Variants in PLXDC2 observed in about 807,000 individuals in gnomAD.
The protein encoded by PLXDC2 is plexin domain-containing protein 2.
Under a neutral mutation model 68.9 loss-of-function variants are expected in PLXDC2, and 40 were observed. The observed-to-expected ratio is 0.58, with a 90% CI of 0.45 to 0.76. The LOEUF is 0.76. Among genes scored for constraint, PLXDC2 ranks in the 30% least tolerant of loss-of-function variants. PLXDC2 has a pLI of 0.00. For synonymous variants in PLXDC2, 243 were observed against 234.2 expected (o/e 1.04, Z -0.34); for missense variants, 644 against 661.9 (o/e 0.97, Z 0.30).
intron 10 of PLXDC2, among the ~76,000 whole-genome samples, chr10:20,213,959 C>T (rs990114667): frequency 2.0e-5 from 3 of 152,012 alleles, no homozygotes; most frequent in Admixed American, 2.0e-4. Flanking sequence ...TTACTCTGTG[C>T]TGTATTTGGA....
intron 13 of PLXDC2, among the ~76,000 whole-genome samples, chr10:20,257,436 G>A (rs372836361): frequency 5.3e-5 from 8 of 152,092 alleles, no homozygotes; most frequent in Admixed American, 4.6e-4. Flanking sequence ...GTTATTATTG[G>A]TAACCCAACG....
intron 4 of PLXDC2, among the ~76,000 whole-genome samples, chr10:20,127,951 A>T (rs1050523136): frequency 6.6e-6 from 1 of 152,222 alleles, no homozygotes; most frequent in Non-Finnish European, 1.5e-5. Context: ...CCAGGATGGA[A>T]GCCCTGCTAA....
At chr10:20,046,179 A>G (rs754071973) in intron 2 of PLXDC2, among the ~76,000 whole-genome samples, 3 of 152,140 alleles carry the variant, frequency 2.0e-5, no homozygotes, top group Non-Finnish European at 2.9e-5. Context: ...GGTTTTTAGT[A>G]AAAAGTTCAA....
At chr10:19,951,165 G>C (rs1833985041) in intron 1 of PLXDC2, among the ~76,000 whole-genome samples, 1 of 152,086 alleles carries the variant, frequency 6.6e-6, no homozygotes, top group South Asian at 2.1e-4. Flanking sequence ...AAGAGCTTCT[G>C]CATGGCAAAG....
At chr10:20,233,362 C>T (rs1351222510) in intron 12 of PLXDC2, among the ~76,000 whole-genome samples, 2 of 36,510 alleles carry the variant, frequency 5.5e-5, no homozygotes, top group African/African-American at 2.6e-4. Context: ...CCCATCTCTA[C>T]AAAAATTTAA....
intron 1 of PLXDC2, among the ~76,000 whole-genome samples, chr10:19,969,988 A>C (rs1489350644): frequency 2.0e-5 from 3 of 152,196 alleles, no homozygotes; most frequent in African/African-American, 7.2e-5. Context: ...CAGCCACATA[A>C]AGTGGCTACA....
At chr10:19,876,626 G>A (rs549870302) in intron 1 of PLXDC2, among the ~76,000 whole-genome samples, 3,133 of 122,526 alleles carry the variant, frequency 0.026, 72 homozygotes, top group Non-Finnish European at 0.04. Context: ...AAAAAAAAAA[G>A]AGAGAGAGAG....
chr10:20,051,378 C>T (rs1027200285), intron 3 of PLXDC2, among the ~76,000 whole-genome samples: 5 of 140,120 alleles, frequency 3.6e-5, no homozygotes, highest in Non-Finnish European at 3.1e-5. Flanking sequence ...TTACTGCTGA[C>T]CCTAAAATAA....
chr10:20,136,789 T>C (rs1344074816), intron 4 of PLXDC2, among the ~76,000 whole-genome samples: 1 of 152,220 alleles, frequency 6.6e-6, no homozygotes, highest in Non-Finnish European at 1.5e-5. Context: ...TCCTTTTGGG[T>C]CCAAAATATT....
intron 1 of PLXDC2, among the ~76,000 whole-genome samples, chr10:19,888,886 C>G (rs1436124235): frequency 6.6e-6 from 1 of 152,118 alleles, no homozygotes; most frequent in East Asian, 1.9e-4. Context: ...AGAAATGTCA[C>G]AGTTTTGACA....
At chr10:19,855,360 C>T (rs1222594140) in intron 1 of PLXDC2, among the ~76,000 whole-genome samples, 1 of 152,180 alleles carries the variant, frequency 6.6e-6, no homozygotes, top group Non-Finnish European at 1.5e-5. Context: ...CTTTTCCCCC[C>T]TTAGATATTT....
intron 1 of PLXDC2, among the ~76,000 whole-genome samples, chr10:19,930,220 C>G (rs1430148600): frequency 6.6e-6 from 1 of 151,974 alleles, no homozygotes; most frequent in Non-Finnish European, 1.5e-5. Context: ...AAGAAACTGA[C>G]CGAAATCAAT....
intron 1 of PLXDC2, among the ~76,000 whole-genome samples, chr10:19,958,950 G>A (rs185354740): frequency 6.6e-6 from 1 of 152,188 alleles, no homozygotes; most frequent in African/African-American, 2.4e-5. Flanking sequence ...AATCTTGAGT[G>A]ATCAGCCACT....
intron 1 of PLXDC2, among the ~76,000 whole-genome samples, chr10:19,962,165 G>A (rs966706709): frequency 1.4e-4 from 22 of 152,130 alleles, no homozygotes; most frequent in African/African-American, 5.1e-4. Context: ...GGAAATAAAG[G>A]GATGAATGTT....
chr10:20,067,384 C>G (rs11011777), intron 3 of PLXDC2, among the ~76,000 whole-genome samples: 16,159 of 152,044 alleles, frequency 0.11, 998 homozygotes, highest in South Asian at 0.3. Flanking sequence ...GTATTTGAAA[C>G]ATGAAAATGT....
intron 1 of PLXDC2, among the ~76,000 whole-genome samples, chr10:19,937,538 G>C (rs1397377184): frequency 1.1e-5 from 1 of 93,232 alleles, no homozygotes; most frequent in Non-Finnish European, 2.0e-5. Flanking sequence ...TCACATTATA[G>C]TCAATGTATA....
At chr10:19,974,593 C>T (rs1834416475) in intron 1 of PLXDC2, among the ~76,000 whole-genome samples, 1 of 152,160 alleles carries the variant, frequency 6.6e-6, no homozygotes, top group South Asian at 2.1e-4. Context: ...AGGAAAGAAA[C>T]AGATGAGTAT....
intron 7 of PLXDC2, among the ~76,000 whole-genome samples, chr10:20,169,431 A>G (rs1267387139): frequency 6.6e-6 from 1 of 152,188 alleles, no homozygotes; most frequent in Non-Finnish European, 1.5e-5. Context: ...TGTAATTTCC[A>G]TAATTTCTTG....
At chr10:20,054,864 A>C (rs1010554654) in intron 3 of PLXDC2, among the ~76,000 whole-genome samples, 5 of 152,042 alleles carry the variant, frequency 3.3e-5, no homozygotes, top group Admixed American at 6.6e-5. Flanking sequence ...AATAAAAAAA[A>C]CCAGATAGAT....
Sources: allele counts gnomAD v4.1 joint callset (sites outside exome capture counted in the v4.1 genomes callset), GRCh38; gene constraint gnomAD v4.1.1; transcripts MANE v1.5; gene names NCBI Gene and HGNC (gene_info 2026-07-23, HGNC 2026-07-21).